DIAPH1: variants seen among roughly 807,000 people sequenced by gnomAD.
DIAPH1 encodes diaphanous related formin 1, also known as protein diaphanous homolog 1.
In DIAPH1, 46 loss-of-function variants were observed where a neutral mutation model predicts 140.7. The ratio of observed to expected loss-of-function variants is 0.33; its 90% CI spans 0.26 to 0.42. DIAPH1 has a LOEUF of 0.42. DIAPH1 is among the 10% of genes least tolerant of loss of function. The probability of loss-of-function intolerance (pLI) is 1.00; values close to 1 mark genes in which losing one functional copy is unlikely to be tolerated. For synonymous variants in DIAPH1, 565 were observed against 551.6 expected, an observed-to-expected ratio of 1.02 and a Z score of -0.34; for missense variants, 1,310 against 1,558.7, an observed-to-expected ratio of 0.84 and a Z score of 2.69.
At chr5:141,593,346 G>A (rs1461822830) in intron 1 of DIAPH1, among the ~76,000 whole-genome samples, 20 of 152,116 alleles carry the variant, frequency 1.3e-4, no homozygotes, top group Admixed American at 1.2e-3. Flanking sequence ...AGGGTAAAAC[G>A]GAGGGTCTCT....
At chr5:141,584,780 G>C (rs1016241091) in intron 3 of DIAPH1, among the ~76,000 whole-genome samples, 2 of 152,212 alleles carry the variant, frequency 1.3e-5, no homozygotes, top group South Asian at 4.1e-4. Context: ...GGCTCTGCTT[G>C]ATCTTTCTAC....
intron 22 of DIAPH1, 45 bp downstream of exon 22, chr5:141,528,657 G>A: frequency 6.2e-7 from 1 of 1,614,212 alleles, no homozygotes; most frequent in Non-Finnish European, 8.5e-7. Context: ...ACTCATAGAG[G>A]CTACAGCCTT....
rs1040008297 is a variant in DIAPH1 at position 141,528,907 on chromosome 5, T to C, written c.2813A>G (p.Asn938Ser). 23 of 1,614,004 alleles carry C rather than the reference T, an allele frequency of 1.4e-5. No individual in the cohort carries two copies. The highest frequency in any genetic ancestry group is 5.3e-5 in the African/African-American group (4 of 74,932). Residue 938 changes from asparagine to serine, a missense_variant, in exon 22 of 28, where the codon AAT (asparagine) becomes AGT (serine). This residue lies in a region of DIAPH1 where 344 missense variants were observed against 512.2 expected (regional missense o/e 0.67). Transcript: ENST00000389054. ...GTVPRLRPRL[N>S]AILFKLQFSE... ...GAATTGTAGCTTGAAGAGAATGGCA[T>C]TGAGGCGAGGCCGCAGTCGGGGCAC... is the stretch of plus-strand genomic sequence containing the variant.
rs771024187 is a variant in DIAPH1, at chr5:141,534,348, T to C, written c.2568A>G (p.Thr856=). 3 of 1,613,116 alleles carry C rather than the reference T, an allele frequency of 1.9e-6. No individual in the cohort carries two copies. Among genetic ancestry groups the C allele is most frequent in the Non-Finnish European group, 1.7e-6 (2 of 1,179,284 alleles). The change falls in exon 19 of 28, where the codon ACA becomes ACG. Residue 856 remains threonine (T), a synonymous_variant. Coordinates refer to ENST00000389054, the MANE Select transcript of DIAPH1 (RefSeq NM_005219.5). ...VKELKVLDSK[T]AQNLSIFLGS... ...AGAGATACTCACAGAGATTCTGGGCTGTCTTTGAATCCAACACCTTTAACT... is the reference window on the plus strand; with the variant it reads ...AGAGATACTCACAGAGATTCTGGGCCGTCTTTGAATCCAACACCTTTAACT...
chr5:141,547,116 T>C (rs1009886736), intron 18 of DIAPH1, among the ~76,000 whole-genome samples: 5 of 152,174 alleles, frequency 3.3e-5, no homozygotes, highest in Non-Finnish European at 2.9e-5. Flanking sequence ...TTCTGGAATA[T>C]AGAGGAAAAA....
intron 14 of DIAPH1, 152 bp from the exon 15 acceptor site, chr5:141,575,298 A>G (rs2099895783): frequency 1.3e-6 from 1 of 778,894 alleles, no homozygotes. Context: ...CTTGATTTAC[A>G]GAGCTCATAA....
chr5:141,592,701 T>TG (rs1437219708), intron 1 of DIAPH1, among the ~76,000 whole-genome samples: 1 of 152,228 alleles, frequency 6.6e-6, no homozygotes, highest in African/African-American at 2.4e-5. Flanking sequence ...AAACCCTTAC[T>TG]GTCCTAGGCT....
intron 18 of DIAPH1, among the ~76,000 whole-genome samples, chr5:141,554,935 A>C (rs2099892328): frequency 6.6e-6 from 1 of 152,162 alleles, no homozygotes. Flanking sequence ...AAAACCCTTC[A>C]GGATGGTGGG....
At chr5:141,576,123 A>G (rs943488994) in intron 14 of DIAPH1, 107 bp downstream of exon 14, 6 of 969,744 alleles carry the variant, frequency 6.2e-6, no homozygotes, top group Middle Eastern at 2.1e-4. Context: ...ATTGGGTGCT[A>G]AACGCTTCCA....
intron 1 of DIAPH1, among the ~76,000 whole-genome samples, chr5:141,594,121 T>C (rs1596398991): frequency 6.6e-6 from 1 of 152,212 alleles, no homozygotes; most frequent in East Asian, 1.9e-4. Flanking sequence ...AATTCATGGC[T>C]GGTGGGAATG....
intron 18 of DIAPH1, 174 bp from the exon 19 acceptor site, chr5:141,534,607 TC>T (rs2099888737): frequency 1.6e-6 from 1 of 621,704 alleles, no homozygotes; most frequent in South Asian, 1.9e-5. Context: ...TTACTGAACC[TC>T]CCCCAACTCT....
Position 141,575,146 on chromosome 5 carries a change from A to G in DIAPH1, c.1462T>C (p.Leu488=), listed in dbSNP as rs750610223. Residue 488 remains leucine (L), a splice_region_variant and synonymous_variant, in exon 15 of 28, where the codon TTG becomes CTG. Coordinates refer to ENST00000389054, the MANE Select transcript of DIAPH1 (RefSeq NM_005219.5). ...TGTCGGGCTGTTAACTCTGAGTCCA[A>G]CTAGAGAAAAAACGAATCAGGCTCC... is the stretch of plus-strand genomic sequence containing the variant. ...EAKAAELEKK[L]DSELTARHEL... is the part of the protein sequence containing the mutation. 1.9e-6 allele frequency: 3 copies of G among 1,614,034 alleles called. No homozygotes were observed. Among genetic ancestry groups the G allele is most frequent in the African/African-American group, 1.3e-5 (1 of 74,910 alleles).
In DIAPH1 at chr5:141,592,487, TAACAAC is replaced by T. The variant is rs200242814; in HGVS notation, c.118-4243_118-4238del. 3.6e-3 allele frequency among the ~76,000 whole-genome samples: 519 copies of T among 144,068 alleles called. 5 individuals are homozygous for T. Among genetic ancestry groups the T allele is most frequent in the East Asian group, 0.03 (146 of 4,802 alleles). The allele number at this position is 144,068 out of a possible 152,430, so 94.5% of individuals were successfully genotyped here. On this transcript the variant is annotated intron_variant, in intron 1 of 27. Transcript: ENST00000389054. Reference sequence around the variant, plus strand: ...AATAAGTTCCTAGATCATGACAAGTTAACAACAACAACAACAACAACAACAACAACA... The same window carrying T: ...AATAAGTTCCTAGATCATGACAAGTTAACAACAACAACAACAACAACAACA...
rs909410692 is a variant in DIAPH1 at position 141,539,572 on chromosome 5, T to C, written c.2483-5139A>G. 5.5e-4 allele frequency among the ~76,000 whole-genome samples: 83 copies of C among 151,980 alleles called. 1 individual carries two copies. Among genetic ancestry groups the C allele is most frequent in the African/African-American group, 1.5e-3 (63 of 41,482 alleles). ...GGCGTGAGCCACCGTGCCCCCAGCCTTTTTTGGGTAGTTTTTGACTAATGA... is the reference window on the plus strand; with the variant it reads ...GGCGTGAGCCACCGTGCCCCCAGCCCTTTTTGGGTAGTTTTTGACTAATGA... On this transcript the variant is annotated intron_variant, in intron 18 of 27. Coordinates refer to ENST00000389054, the MANE Select transcript of DIAPH1 (RefSeq NM_005219.5).
intron 1 of DIAPH1, among the ~76,000 whole-genome samples, chr5:141,602,978 A>G (rs1389754595): frequency 6.6e-6 from 1 of 152,188 alleles, no homozygotes; most frequent in East Asian, 1.9e-4. Context: ...ACCCACTTCA[A>G]AAAGAAAATA....
chr5:141,615,437 G>GAAAAAAA (rs1013629826), intron 1 of DIAPH1, among the ~76,000 whole-genome samples: 55 of 46,154 alleles, frequency 1.2e-3, no homozygotes, highest in Non-Finnish European at 1.5e-3. Flanking sequence ...CTCAGAAAAA[G>GAAAAAAA]AAAAAAAAAA....
Position 141,572,018 on chromosome 5 carries a change from T to C in DIAPH1, c.2381A>G (p.Gln794Arg), listed in dbSNP as rs1596376782. The C allele has an allele frequency of 6.2e-7, 1 of 1,614,102 alleles. No homozygotes were observed. Among genetic ancestry groups the C allele is most frequent in the Non-Finnish European group, 8.5e-7 (1 of 1,179,952 alleles). ...WSKLVAEDLS[Q>R]DCFWTKVKED... ...CTTCACCTTTGTCCAGAAGCAGTCC[T>C]GGGAGAGGTCCTCAGCCACAAGCTG... The change falls in exon 17 of 28, where the codon CAG becomes CGG. Residue 794 changes from glutamine to arginine, a missense_variant. Gln to Arg is a conservative substitution (Grantham distance 43). This residue lies in a region of DIAPH1 where 589 missense variants were observed against 549.3 expected (regional missense o/e 1.07). Coordinates refer to ENST00000389054, the MANE Select transcript of DIAPH1 (RefSeq NM_005219.5).
intron 18 of DIAPH1, among the ~76,000 whole-genome samples, chr5:141,557,021 T>C (rs970521454): frequency 6.6e-6 from 1 of 152,082 alleles, no homozygotes; most frequent in East Asian, 1.9e-4. Context: ...AAATTAAGTC[T>C]ATAAATAAAT....
chr5:141,543,076 CAA>C (rs537180742), intron 18 of DIAPH1, among the ~76,000 whole-genome samples: 3 of 104,026 alleles, frequency 2.9e-5, no homozygotes, highest in Non-Finnish European at 4.1e-5. Flanking sequence ...AGTTTAGTTA[CAA>C]AAAAAAAAAA....
Sources: gnomAD v4.1 joint callset for allele counts (sites outside exome capture counted in the v4.1 genomes callset) on GRCh38, gnomAD v4.1.1 for gene constraint, gnomAD v4.1.1 regional missense constraint, MANE v1.5 for transcripts, NCBI Gene and HGNC (gene_info 2026-07-23, HGNC 2026-07-21) for gene names.